The following SGCD variants were observed in gnomAD, a reference collection of about 807,000 sequenced individuals.
SGCD encodes delta-sarcoglycan.
SGCD carries 18 observed loss-of-function variants against 36.6 expected under a neutral mutation model. That is an observed-to-expected ratio of 0.49 (90% CI 0.34 to 0.73). The LOEUF is 0.73. Among genes scored for constraint, SGCD ranks in the 30% least tolerant of loss-of-function variants. The probability of loss-of-function intolerance (pLI) is 0.01; values close to 1 mark genes in which losing one functional copy is unlikely to be tolerated. For synonymous variants in SGCD, 133 were observed against 130.6 expected (o/e 1.02, Z -0.12); for missense variants, 387 against 346.7 (o/e 1.12, Z -0.92).
intron 7 of SGCD, among the ~76,000 whole-genome samples, chr5:156,693,888 T>C (rs1023532634): frequency 6.6e-6 from 1 of 152,176 alleles, no homozygotes; most frequent in African/African-American, 2.4e-5. Context: ...GAATCGGGGA[T>C]CTTCTAATAG....
At chr5:156,330,133 C>G (rs978982061) in intron 2 of SGCD, among the ~76,000 whole-genome samples, 6 of 150,598 alleles carry the variant, frequency 4.0e-5, no homozygotes, top group African/African-American at 9.8e-5. Context: ...AAATTTGAAA[C>G]TTTTTGAGCA....
At chr5:155,852,155 T>C in the SGCD span, among the ~76,000 whole-genome samples, 1 of 152,214 alleles carries the variant, frequency 6.6e-6, no homozygotes. Context: ...AAAAAAGTTT[T>C]CTTCTGAAGT....
At chr5:155,879,643 A>C (rs1755839427) in intron 1 of SGCD, among the ~76,000 whole-genome samples, 1 of 152,118 alleles carries the variant, frequency 6.6e-6, no homozygotes, top group Admixed American at 6.6e-5. Flanking sequence ...TATGGAGAAA[A>C]GGCATTGTTT....
At chr5:156,607,773 G>T (rs1007364210) in intron 6 of SGCD, among the ~76,000 whole-genome samples, 4 of 152,114 alleles carry the variant, frequency 2.6e-5, no homozygotes, top group Admixed American at 6.5e-5. Context: ...TTTAGTCTTG[G>T]GAGGGTGTAT....
the SGCD span, among the ~76,000 whole-genome samples, chr5:155,775,864 C>T: frequency 6.6e-6 from 1 of 152,032 alleles, no homozygotes; most frequent in Non-Finnish European, 1.5e-5. Context: ...AATTCTGCTC[C>T]AAAGGAGAAG....
chr5:156,098,247 T>C lies in SGCD; in HGVS notation c.-281-19631T>C, dbSNP rs1761428096. On this transcript the variant is annotated intron_variant, in intron 1 of 9. Transcript: ENST00000517913. ...GAAAAATTCTTTCATAGTATTTTTA[T>C]TGTTTCTTATTTGAAATGGCTATTT... 2.0e-5 allele frequency among the ~76,000 whole-genome samples: 3 copies of C among 152,222 alleles called. No individual in the cohort carries two copies. In the South Asian group the frequency reaches 6.2e-4, roughly 31 times the overall value.
intron 7 of SGCD, among the ~76,000 whole-genome samples, chr5:156,752,963 C>T (rs774293508): frequency 2.0e-5 from 3 of 152,080 alleles, no homozygotes; most frequent in East Asian, 1.9e-4. Context: ...GGGTTACTCA[C>T]TGTCATCACC....
intron 7 of SGCD, among the ~76,000 whole-genome samples, chr5:156,667,359 C>T (rs902958325): frequency 6.6e-6 from 1 of 152,056 alleles, no homozygotes; most frequent in East Asian, 1.9e-4. Flanking sequence ...GGAAGAAATC[C>T]GTAAATTTTC....
chr5:156,442,444 A>C (rs1411635267), intron 3 of SGCD, among the ~76,000 whole-genome samples: 1 of 152,192 alleles, frequency 6.6e-6, no homozygotes, highest in Non-Finnish European at 1.5e-5. Flanking sequence ...AGAGTTAAAA[A>C]ATTCTGTTGG....
intron 3 of SGCD, among the ~76,000 whole-genome samples, chr5:156,293,719 G>T (rs1327605529): frequency 6.6e-6 from 1 of 152,026 alleles, no homozygotes; most frequent in African/African-American, 2.4e-5. Context: ...ATTGAGGCTT[G>T]GTAGTAAGTT....
chr5:156,374,368 C>T (rs1279711526), intron 3 of SGCD, among the ~76,000 whole-genome samples: 3 of 152,096 alleles, frequency 2.0e-5, no homozygotes, highest in African/African-American at 7.2e-5. Flanking sequence ...CCAACTATAG[C>T]ATAACGCAAA....
intron 3 of SGCD, among the ~76,000 whole-genome samples, chr5:156,380,312 A>T (rs903839424): frequency 8.5e-5 from 13 of 152,064 alleles, no homozygotes; most frequent in African/African-American, 2.9e-4. Context: ...TACTTAACCA[A>T]ATCTCAGAGA....
chr5:155,871,087 G>A (rs2113274842), intron 1 of SGCD, among the ~76,000 whole-genome samples: 1 of 152,186 alleles, frequency 6.6e-6, no homozygotes, highest in Admixed American at 6.5e-5. Context: ...ATTGCAAGAG[G>A]AAGGTTTGGA....
At chr5:156,394,393 T>C (rs149245950) in intron 3 of SGCD, among the ~76,000 whole-genome samples, 74 of 152,098 alleles carry the variant, frequency 4.9e-4, no homozygotes, top group Non-Finnish European at 8.2e-4. Context: ...TATCAGAAAA[T>C]AGCTGGAAAA....
At chr5:156,457,868 G>A (rs1264187444) in intron 3 of SGCD, among the ~76,000 whole-genome samples, 7 of 152,106 alleles carry the variant, frequency 4.6e-5, no homozygotes, top group African/African-American at 1.7e-4. Context: ...TGCAAGTGAT[G>A]GTGTCCAAGA....
intron 3 of SGCD, among the ~76,000 whole-genome samples, chr5:156,506,734 C>T (rs910553298): frequency 2.0e-5 from 3 of 151,944 alleles, no homozygotes; most frequent in African/African-American, 7.3e-5. Flanking sequence ...AAGTAAAAAC[C>T]TCATTGGTTT....
chr5:155,810,400 G>A, the SGCD span, among the ~76,000 whole-genome samples: 1 of 151,942 alleles, frequency 6.6e-6, no homozygotes, highest in Non-Finnish European at 1.5e-5. Flanking sequence ...AAGATATTTT[G>A]CCCTAGAAGG....
chr5:156,230,990 A>C (rs1765000889), intron 3 of SGCD, among the ~76,000 whole-genome samples: 2 of 152,214 alleles, frequency 1.3e-5, no homozygotes, highest in African/African-American at 4.8e-5. Context: ...AAGGATACAC[A>C]AAAAGCAAAT....
chr5:156,470,271 T>C (rs530018934), intron 3 of SGCD, among the ~76,000 whole-genome samples: 1 of 152,312 alleles, frequency 6.6e-6, no homozygotes, highest in South Asian at 2.1e-4. Flanking sequence ...GATATTAAAA[T>C]AGAAGAATTA....
Sources: allele counts gnomAD v4.1 joint callset (sites outside exome capture counted in the v4.1 genomes callset), GRCh38; gene constraint gnomAD v4.1.1; transcripts MANE v1.5; gene names NCBI Gene and HGNC (gene_info 2026-07-23, HGNC 2026-07-21).